The following GRIK3 variants were observed in gnomAD, a reference collection of about 807,000 sequenced individuals.
The protein encoded by GRIK3 is glutamate receptor ionotropic, kainate 3.
A neutral mutation model predicts 102.5 loss-of-function variants in GRIK3; 29 were observed. That is an observed-to-expected ratio of 0.28 (90% CI 0.21 to 0.39). The LOEUF is 0.39. Ranked by LOEUF, GRIK3 falls within the 10% of genes least tolerant of loss-of-function variation. GRIK3 has a pLI of 1.00. For missense variants in GRIK3, 908 were observed against 1,252.4 expected (o/e 0.73, Z 4.15); for synonymous variants, 511 against 504.9 (o/e 1.01, Z -0.16).
At chr1:36,807,591 G>A (rs1331165826) in intron 13 of GRIK3, among the ~76,000 whole-genome samples, 1 of 152,130 alleles carries the variant, frequency 6.6e-6, no homozygotes, top group Non-Finnish European at 1.5e-5. Context: ...CTGCTGGGAG[G>A]GAGCTAAGGA....
At chr1:36,899,947 T>C (rs1006349579) in intron 1 of GRIK3, among the ~76,000 whole-genome samples, 2 of 152,206 alleles carry the variant, frequency 1.3e-5, no homozygotes, top group Non-Finnish European at 2.9e-5. Flanking sequence ...TTTACTATTC[T>C]ACTAGGAGAC....
intron 1 of GRIK3, among the ~76,000 whole-genome samples, chr1:36,947,963 G>A (rs1361272574): frequency 1.3e-5 from 2 of 151,984 alleles, no homozygotes; most frequent in Non-Finnish European, 2.9e-5. Flanking sequence ...TTGCTGACTT[G>A]AGAAACTTGA....
At chr1:36,842,073 C>A (rs562891140) in intron 9 of GRIK3, 134 bp from the exon 10 acceptor site, 2 of 734,330 alleles carry the variant, frequency 2.7e-6, no homozygotes, top group Non-Finnish European at 4.7e-6. Flanking sequence ...ACAAAGGGCC[C>A]GTGAAGTCAG....
chr1:36,965,673 G>A (rs546791193), intron 1 of GRIK3, among the ~76,000 whole-genome samples: 21 of 152,164 alleles, frequency 1.4e-4, no homozygotes, highest in Non-Finnish European at 2.2e-4. Flanking sequence ...CTGAGATGTG[G>A]CTCTGAAAGA....
intron 5 of GRIK3, among the ~76,000 whole-genome samples, chr1:36,860,861 G>A (rs141052216): frequency 3.9e-5 from 6 of 152,300 alleles, no homozygotes; most frequent in East Asian, 1.9e-4. Context: ...GAAGGGTAGC[G>A]GTGCGTTTTT....
In GRIK3 at chr1:36,991,239, A is replaced by G. The variant is rs566837868; in HGVS notation, c.115+42755T>C. On this transcript the variant is annotated intron_variant, in intron 1 of 15. Coordinates refer to ENST00000373091, the MANE Select transcript of GRIK3 (RefSeq NM_000831.4). ...GAGGCATCTAGAACGGTGTAGGTAT[A>G]TCATAGGTGCATCATAAATGCAGTT... Among the ~76,000 whole-genome samples, 387 of 152,342 alleles carry G rather than the reference A, an allele frequency of 2.5e-3. 2 individuals are homozygous for G. The highest frequency in any genetic ancestry group is 4.2e-3 in the Non-Finnish European group (288 of 68,030).
At chr1:36,878,759 A>G (rs986735701) in intron 3 of GRIK3, among the ~76,000 whole-genome samples, 2 of 152,238 alleles carry the variant, frequency 1.3e-5, no homozygotes, top group Non-Finnish European at 2.9e-5. Context: ...TAGCTGGGTG[A>G]CAGTGCACAG....
chr1:36,988,074 T>C (rs1442884602), intron 1 of GRIK3, among the ~76,000 whole-genome samples: 1 of 151,986 alleles, frequency 6.6e-6, no homozygotes, highest in Non-Finnish European at 1.5e-5. Context: ...GTGGATCACT[T>C]GAGGTCAGGA....
intron 14 of GRIK3, among the ~76,000 whole-genome samples, chr1:36,805,740 C>T (rs1459068756): frequency 1.3e-5 from 2 of 151,600 alleles, no homozygotes; most frequent in Non-Finnish European, 2.9e-5. Flanking sequence ...AGTTCGAGAC[C>T]AGCCTGACCA....
At position 37,013,757 on chromosome 1, in the gene GRIK3, A is replaced by G. The variant is rs144642781; in HGVS notation, c.115+20237T>C. 1.8e-3 allele frequency among the ~76,000 whole-genome samples: 268 copies of G among 152,316 alleles called. 1 individual carries two copies. Among genetic ancestry groups the G allele is most frequent in the Non-Finnish European group, 3.3e-3 (222 of 68,016 alleles). Reference sequence around the variant, plus strand: ...CAGGGAAGAATGCAGAGGAGGGAGAATGAGGCTGAGCCCTGAAGCCTGAAA... The same window carrying G: ...CAGGGAAGAATGCAGAGGAGGGAGAGTGAGGCTGAGCCCTGAAGCCTGAAA... On this transcript the variant is annotated intron_variant, in intron 1 of 15. Coordinates refer to ENST00000373091, the MANE Select transcript of GRIK3 (RefSeq NM_000831.4).
At chr1:37,013,103 T>C (rs1052577209) in intron 1 of GRIK3, among the ~76,000 whole-genome samples, 2 of 152,114 alleles carry the variant, frequency 1.3e-5, no homozygotes, top group African/African-American at 4.8e-5. Context: ...AAAAGGCACG[T>C]CTTACATGGT....
chr1:36,818,255 G>C (rs1177524585), intron 12 of GRIK3, among the ~76,000 whole-genome samples: 1 of 152,208 alleles, frequency 6.6e-6, no homozygotes, highest in Non-Finnish European at 1.5e-5. Flanking sequence ...TGGAAGAGGA[G>C]AAGCTATTAC....
At chr1:36,812,504 C>A (rs1642573804) in intron 13 of GRIK3, among the ~76,000 whole-genome samples, 1 of 152,180 alleles carries the variant, frequency 6.6e-6, no homozygotes, top group African/African-American at 2.4e-5. Context: ...ATTTTTATAG[C>A]CAAACAGTGC....
At chr1:37,018,109 C>T (rs1484361485) in intron 1 of GRIK3, among the ~76,000 whole-genome samples, 2 of 152,190 alleles carry the variant, frequency 1.3e-5, no homozygotes, top group African/African-American at 4.8e-5. Flanking sequence ...AACCCTAAAC[C>T]TCATCTTTGG....
intron 1 of GRIK3, among the ~76,000 whole-genome samples, chr1:36,992,623 G>A (rs2124007036): frequency 6.6e-6 from 1 of 152,146 alleles, no homozygotes; most frequent in East Asian, 1.9e-4. Context: ...ATGGTTGATG[G>A]ATGTAAACAG....
At chr1:36,898,584 A>G (rs1641199335) in intron 1 of GRIK3, among the ~76,000 whole-genome samples, 2 of 152,204 alleles carry the variant, frequency 1.3e-5, no homozygotes, top group Non-Finnish European at 2.9e-5. Context: ...GGAAGACTTA[A>G]TATTGTTAAG....
intron 11 of GRIK3, among the ~76,000 whole-genome samples, chr1:36,821,400 CT>C (rs763451078): frequency 6.6e-6 from 1 of 152,224 alleles, no homozygotes; most frequent in Non-Finnish European, 1.5e-5. Context: ...AGAGCCCCCG[CT>C]TCCTCTACCA....
At chr1:36,830,106 C>T (rs1640238420) in intron 10 of GRIK3, among the ~76,000 whole-genome samples, 1 of 152,224 alleles carries the variant, frequency 6.6e-6, no homozygotes, top group South Asian at 2.1e-4. Context: ...AGTTGGGATC[C>T]CCATCAGACA....
At chr1:36,920,200 C>G (rs552223232) in intron 1 of GRIK3, among the ~76,000 whole-genome samples, 45 of 152,218 alleles carry the variant, frequency 3.0e-4, no homozygotes, top group Non-Finnish European at 4.7e-4. Flanking sequence ...CTAGAGGGAC[C>G]AGAGTCTAGT....
Sources: allele counts gnomAD v4.1 joint callset (sites outside exome capture counted in the v4.1 genomes callset), GRCh38; gene constraint gnomAD v4.1.1; transcripts MANE v1.5; gene names NCBI Gene and HGNC (gene_info 2026-07-23, HGNC 2026-07-21).